CYP2C19: variants seen among roughly 807,000 people sequenced by gnomAD.
CYP2C19 encodes the protein cytochrome P450 2C19.
Under a neutral mutation model 40.9 loss-of-function variants are expected in CYP2C19, and 59 were observed. The observed-to-expected ratio is 1.44, with a 90% CI of 1.17 to 1.79. CYP2C19 has a LOEUF of 1.79. CYP2C19 is among the 40% of genes most tolerant of loss of function. The probability of loss-of-function intolerance (pLI) is 0.00; values close to 1 mark genes in which losing one functional copy is unlikely to be tolerated. For missense variants in CYP2C19, 754 were observed against 596.9 expected (o/e 1.26, Z -2.74); for synonymous variants, 253 against 208.7 (o/e 1.21, Z -1.83).
chr10:94,768,646 T>G (rs1334591096), intron 1 of CYP2C19, among the ~76,000 whole-genome samples: 1 of 152,176 alleles, frequency 6.6e-6, no homozygotes, highest in Non-Finnish European at 1.5e-5. Context: ...TGTATTATTT[T>G]GATAGCCTCT....
chr10:94,835,506 A>G (rs950045592), intron 6 of CYP2C19, among the ~76,000 whole-genome samples: 5 of 152,126 alleles, frequency 3.3e-5, no homozygotes, highest in African/African-American at 1.2e-4. Context: ...GGGTCCTTCT[A>G]TAAGCATTTC....
intron 5 of CYP2C19, among the ~76,000 whole-genome samples, chr10:94,797,958 T>C (rs989665552): frequency 6.6e-6 from 1 of 152,082 alleles, no homozygotes; most frequent in Non-Finnish European, 1.5e-5. Flanking sequence ...GATTCATTGA[T>C]TTTTTTAAAG....
intron 6 of CYP2C19, among the ~76,000 whole-genome samples, chr10:94,824,714 G>C (rs1849186037): frequency 6.6e-6 from 1 of 151,662 alleles, no homozygotes; most frequent in Non-Finnish European, 1.5e-5. Flanking sequence ...GTGCAGGTTA[G>C]TTACATATGT....
intron 5 of CYP2C19, among the ~76,000 whole-genome samples, chr10:94,788,455 G>T (rs368766541): frequency 4.6e-5 from 7 of 152,160 alleles, no homozygotes; most frequent in African/African-American, 1.7e-4. Flanking sequence ...GTGCAGTTTT[G>T]CTACATAGGT....
chr10:94,775,134 T>G lies in CYP2C19; in HGVS notation c.245T>G (p.Val82Gly). The change falls in exon 2 of 9, where the codon GTG becomes GGG. Residue 82 changes from valine (V) to glycine (G), a missense_variant. Val to Gly is a moderately radical substitution (Grantham distance 109). Transcript: ENST00000371321. ...ERMVVLHGYEVVKEALIDLGE... is the reference protein window; with the variant it reads ...ERMVVLHGYEGVKEALIDLGE... The stretch of plus-strand genomic sequence containing the variant: ...ATGGTGGTGCTGCATGGATATGAAG[T>G]GGTGAAGGAAGCCCTGATTGATCTT... 1.2e-6 allele frequency: 2 copies of G among 1,614,016 alleles called. No homozygotes were observed. The highest frequency in any genetic ancestry group is 1.7e-6 in the Non-Finnish European group (2 of 1,180,006).
intron 6 of CYP2C19, among the ~76,000 whole-genome samples, chr10:94,826,297 A>C (rs1849220394): frequency 6.6e-6 from 1 of 152,070 alleles, no homozygotes. Context: ...TGAGCATGGA[A>C]TGTTCTTCCA....
At chr10:94,799,110 C>T (rs1007865907) in intron 5 of CYP2C19, among the ~76,000 whole-genome samples, 1 of 151,924 alleles carries the variant, frequency 6.6e-6, no homozygotes, top group African/African-American at 2.4e-5. Context: ...ATGGTCTTTA[C>T]AATTTAGCAT....
chr10:94,847,607 T>C (rs1190439499), intron 7 of CYP2C19, among the ~76,000 whole-genome samples: 2 of 152,220 alleles, frequency 1.3e-5, no homozygotes, highest in Non-Finnish European at 2.9e-5. Context: ...ATGGGATGGC[T>C]GGGTCAAGCG....
intron 3 of CYP2C19, 126 bp from the exon 4 acceptor site, chr10:94,780,373 G>T: frequency 1.6e-6 from 2 of 1,235,172 alleles, no homozygotes; most frequent in East Asian, 2.6e-5. Flanking sequence ...ACTCTTTTTT[G>T]CTTTTAAGGG....
chr10:94,829,756 C>G (rs1465025786), intron 6 of CYP2C19, among the ~76,000 whole-genome samples: 2 of 151,650 alleles, frequency 1.3e-5, no homozygotes, highest in Admixed American at 1.3e-4. Flanking sequence ...TCCAGTTTTT[C>G]TGTTCTGTTT....
In CYP2C19 at chr10:94,775,238, T is replaced by G. The variant is rs1281395483; in HGVS notation, c.331+18T>G. On this transcript the variant is annotated intron_variant, in intron 2 of 8. Transcript: ENST00000371321. ...AGGATTTGGTAGGTGTGCAAGTGCC[T>G]GTTTCAGCATCTGTCTTGGGGATGG... is the stretch of plus-strand genomic sequence containing the variant. 1 of 1,614,000 alleles carries G rather than the reference T, an allele frequency of 6.2e-7. No individual in the cohort carries two copies. Among genetic ancestry groups the G allele is most frequent in the Admixed American group, 1.7e-5 (1 of 60,030 alleles).
chr10:94,792,275 C>A (rs1414088209), intron 5 of CYP2C19, among the ~76,000 whole-genome samples: 1 of 152,162 alleles, frequency 6.6e-6, no homozygotes, highest in African/African-American at 2.4e-5. Flanking sequence ...AGATAAGTCA[C>A]CTCAATTCAG....
intron 5 of CYP2C19, among the ~76,000 whole-genome samples, chr10:94,797,966 A>G (rs1310038377): frequency 6.6e-6 from 1 of 151,892 alleles, no homozygotes; most frequent in Admixed American, 6.6e-5. Flanking sequence ...GATTTTTTTA[A>G]AGGGTTTTTT....
At chr10:94,829,630 C>T (rs370954831) in intron 6 of CYP2C19, among the ~76,000 whole-genome samples, 1 of 152,078 alleles carries the variant, frequency 6.6e-6, no homozygotes, top group East Asian at 1.9e-4. Flanking sequence ...GTAATTTGAT[C>T]GTCTGAAGCC....
chr10:94,848,984 C>T (rs898182938), intron 7 of CYP2C19, among the ~76,000 whole-genome samples: 8 of 152,104 alleles, frequency 5.3e-5, no homozygotes, highest in South Asian at 2.1e-4. Context: ...TGGGCTGAGA[C>T]GATGGGGTTG....
intron 5 of CYP2C19, among the ~76,000 whole-genome samples, chr10:94,819,979 C>G (rs1474776913): frequency 6.9e-6 from 1 of 144,928 alleles, no homozygotes; most frequent in Admixed American, 6.9e-5. Context: ...AACATTCATG[C>G]AAAAATCCTC....
In CYP2C19 at chr10:94,762,877, A is replaced by C. The variant is rs1175689214; in HGVS notation, c.168+4A>C. The C allele has an allele frequency of 1.2e-6, 2 of 1,612,716 alleles. No homozygotes were observed. The highest frequency in any genetic ancestry group is 1.7e-6 in the Non-Finnish European group (2 of 1,178,994). On this transcript the variant is annotated splice_donor_region_variant and intron_variant, in intron 1 of 8. Transcript: ENST00000371321. ...TGTCAGCAAATCCTTAACCAATGTA[A>C]GTATGCTCCTTCAGTGGCTTGCAAA...
intron 3 of CYP2C19, among the ~76,000 whole-genome samples, chr10:94,780,110 T>C (rs1378707136): frequency 1.3e-5 from 2 of 152,172 alleles, no homozygotes; most frequent in Admixed American, 6.5e-5. Flanking sequence ...TAAAAAGCTT[T>C]GAAATCCCCA....
chr10:94,833,672 A>T (rs990922575), intron 6 of CYP2C19, among the ~76,000 whole-genome samples: 11 of 152,222 alleles, frequency 7.2e-5, no homozygotes, highest in African/African-American at 2.7e-4. Flanking sequence ...ATTGGAAATC[A>T]TCATTCTCAA....
Sources: allele counts gnomAD v4.1 joint callset (sites outside exome capture counted in the v4.1 genomes callset), GRCh38; gene constraint gnomAD v4.1.1; transcripts MANE v1.5; gene names NCBI Gene and HGNC (gene_info 2026-07-23, HGNC 2026-07-21).